ANK3: variants seen among roughly 807,000 people sequenced by gnomAD.
ANK3 encodes the protein ankyrin-3.
Under a neutral mutation model 370.9 loss-of-function variants are expected in ANK3, and 57 were observed. The ratio of observed to expected loss-of-function variants is 0.15; its 90% CI spans 0.12 to 0.19. ANK3 has a LOEUF of 0.19. Among genes scored for constraint, ANK3 ranks in the 10% least tolerant of loss-of-function variants. The probability of loss-of-function intolerance (pLI) is 1.00; values close to 1 mark genes in which losing one functional copy is unlikely to be tolerated. For synonymous variants in ANK3, 1,929 were observed against 1,946.3 expected (o/e 0.99, Z 0.23); for missense variants, 4,439 against 5,302.1 (o/e 0.84, Z 5.06).
chr10:60,409,613 C>T (rs952832823), intron 2 of ANK3, among the ~76,000 whole-genome samples: 2 of 152,054 alleles, frequency 1.3e-5, no homozygotes, highest in Non-Finnish European at 2.9e-5. Context: ...AGCTTGCTTT[C>T]CCACTGAACA....
intron 1 of ANK3, among the ~76,000 whole-genome samples, chr10:60,650,406 A>C (rs2078772487): frequency 6.6e-6 from 1 of 151,962 alleles, no homozygotes; most frequent in South Asian, 2.1e-4. Flanking sequence ...CTCCTGCTTT[A>C]AAGTCCCATG....
At chr10:60,648,879 CTCCT>C (rs1320264081) in intron 1 of ANK3, among the ~76,000 whole-genome samples, 1 of 151,632 alleles carries the variant, frequency 6.6e-6, no homozygotes, top group East Asian at 1.9e-4. Flanking sequence ...CCTGCTCCTG[CTCCT>C]GCTCCTGCTC....
chr10:60,724,930 T>C (rs2079919863), intron 1 of ANK3, among the ~76,000 whole-genome samples: 1 of 152,152 alleles, frequency 6.6e-6, no homozygotes, highest in South Asian at 2.1e-4. Context: ...ATCCAGAGGG[T>C]TGAGTTAACT....
At chr10:60,162,033 CAAT>C (rs1218848537) in intron 23 of ANK3, among the ~76,000 whole-genome samples, 4 of 152,044 alleles carry the variant, frequency 2.6e-5, no homozygotes, top group Non-Finnish European at 4.4e-5. Context: ...TAAATATGTA[CAAT>C]TATTATGTAT....
chr10:60,303,508 C>G (rs1406244997), intron 1 of ANK3, among the ~76,000 whole-genome samples: 1 of 152,014 alleles, frequency 6.6e-6, no homozygotes, highest in Non-Finnish European at 1.5e-5. Context: ...CACTAATTAT[C>G]AGGGAAATGC....
rs374931259 is a variant in ANK3, at chr10:60,069,817, G to C, written c.11064C>G (p.Thr3688=). The change falls in exon 37 of 44, where the codon ACC becomes ACG. Residue 3688 remains threonine, a synonymous_variant. Transcript: ENST00000280772. ...ATGTGCCTTCCTGACACTCTCCGCT[G>C]GTCGGGATGCTGGGGTTAGGTTCCA... ...PTVEPNPSIP[T]SGECQEGTSS... is the part of the protein sequence containing the mutation. 46 of 1,614,002 alleles carry C rather than the reference G, an allele frequency of 2.9e-5. No homozygotes were observed. Among genetic ancestry groups the C allele is most frequent in the Middle Eastern group, 3.3e-4 (2 of 6,082 alleles).
chr10:60,538,289 A>G (rs1015948720), intron 2 of ANK3, among the ~76,000 whole-genome samples: 6 of 151,942 alleles, frequency 3.9e-5, no homozygotes, highest in Non-Finnish European at 7.4e-5. Flanking sequence ...TTTGTCCACC[A>G]CTAAAGAAAA....
chr10:60,419,981 A>G (rs573827842), intron 2 of ANK3, among the ~76,000 whole-genome samples: 6 of 152,114 alleles, frequency 3.9e-5, no homozygotes, highest in African/African-American at 9.7e-5. Flanking sequence ...AAATTAGCCA[A>G]TGACCTCTCA....
chr10:60,411,819 T>G (rs1037510730), intron 2 of ANK3, among the ~76,000 whole-genome samples: 2 of 152,154 alleles, frequency 1.3e-5, no homozygotes, highest in Non-Finnish European at 2.9e-5. Flanking sequence ...ACTCATGAGA[T>G]TTTGAAATGA....
At chr10:60,481,098 C>T (rs2075202728) in intron 2 of ANK3, among the ~76,000 whole-genome samples, 1 of 152,252 alleles carries the variant, frequency 6.6e-6, no homozygotes, top group Admixed American at 6.5e-5. Flanking sequence ...AAACATTCAA[C>T]CTCCCTGGTT....
chr10:60,271,508 TA>T (rs1317679224), intron 4 of ANK3, among the ~76,000 whole-genome samples: 1 of 152,178 alleles, frequency 6.6e-6, no homozygotes, highest in Non-Finnish European at 1.5e-5. Context: ...ACCGAGCCAG[TA>T]AATTCTTTTT....
intron 1 of ANK3, among the ~76,000 whole-genome samples, chr10:60,627,380 C>T (rs1047996886): frequency 1.3e-5 from 2 of 151,186 alleles, no homozygotes; most frequent in South Asian, 2.1e-4. Context: ...TTCTACTTGA[C>T]GTCGTTATTG....
intron 2 of ANK3, among the ~76,000 whole-genome samples, chr10:60,478,051 C>T (rs374362522): frequency 1.8e-4 from 28 of 152,116 alleles, no homozygotes; most frequent in Middle Eastern, 3.4e-3. Flanking sequence ...AAATTAAATG[C>T]CAGTCTTCAT....
intron 25 of ANK3, among the ~76,000 whole-genome samples, 194 bp downstream of exon 25, chr10:60,134,077 T>A (rs1212297877): frequency 6.6e-6 from 1 of 152,206 alleles, no homozygotes; most frequent in African/African-American, 2.4e-5. Context: ...ATTCCTATCT[T>A]CCTCACCTGC....
intron 2 of ANK3, among the ~76,000 whole-genome samples, chr10:60,581,953 G>A (rs995920439): frequency 1.3e-5 from 2 of 152,136 alleles, no homozygotes; most frequent in African/African-American, 4.8e-5. Context: ...AAAAAAGGAT[G>A]AGTTCATGTT....
intron 1 of ANK3, among the ~76,000 whole-genome samples, chr10:60,302,906 G>C: frequency 6.6e-6 from 1 of 152,010 alleles, no homozygotes; most frequent in Non-Finnish European, 1.5e-5. Context: ...AAAAAAATCT[G>C]TGTGTCTAGT....
At chr10:60,548,869 A>G (rs12261746) in intron 2 of ANK3, among the ~76,000 whole-genome samples, 2 of 152,274 alleles carry the variant, frequency 1.3e-5, no homozygotes, top group East Asian at 1.9e-4. Flanking sequence ...TAGGAAAGCT[A>G]AAGATGAGAG....
chr10:60,337,087 T>C (rs2053167122), intron 1 of ANK3, among the ~76,000 whole-genome samples: 1 of 151,910 alleles, frequency 6.6e-6, no homozygotes, highest in Admixed American at 6.6e-5. Context: ...AATTATGCAG[T>C]GGGGCTCTCT....
At chr10:60,571,660 T>C (rs1206347049) in intron 2 of ANK3, among the ~76,000 whole-genome samples, 1 of 152,220 alleles carries the variant, frequency 6.6e-6, no homozygotes, top group African/African-American at 2.4e-5. Context: ...CACAACTGTC[T>C]TTTCCATTGG....
Sources: gnomAD v4.1 joint callset for allele counts (sites outside exome capture counted in the v4.1 genomes callset) on GRCh38, gnomAD v4.1.1 for gene constraint, MANE v1.5 for transcripts, NCBI Gene and HGNC (gene_info 2026-07-23, HGNC 2026-07-21) for gene names.